CAMSAP2: variants seen among roughly 807,000 people sequenced by gnomAD.
CAMSAP2 encodes calmodulin regulated spectrin associated protein family member 2.
CAMSAP2 carries 26 observed loss-of-function variants against 146.1 expected under a neutral mutation model. The ratio of observed to expected loss-of-function variants is 0.18; its 90% CI spans 0.13 to 0.25. The LOEUF is 0.25. Ranked by LOEUF, CAMSAP2 falls within the 10% of genes least tolerant of loss-of-function variation. The pLI, the probability that CAMSAP2 is intolerant of heterozygous loss-of-function variation, is 1.00. For missense variants in CAMSAP2, 1,381 were observed against 1,759.3 expected, an observed-to-expected ratio of 0.78 and a Z score of 3.85; for synonymous variants, 499 against 596.6, an observed-to-expected ratio of 0.84 and a Z score of 2.38.
chr1:200,784,311 TA>T (rs920356300), intron 2 of CAMSAP2, among the ~76,000 whole-genome samples: 34 of 151,264 alleles, frequency 2.2e-4, no homozygotes, highest in African/African-American at 6.5e-4. Flanking sequence ...CAATTTCTAT[TA>T]AAAAAAAAGC....
In CAMSAP2 at chr1:200,857,798, G is replaced by T. The variant is rs1361870206; in HGVS notation, c.4176G>T (p.Arg1392=). ...CCAACAACTTCTTAATCTTGTTCCG[G>T]GATTCAGGATGCCAGTTCAGATCTT... ...SDANNFLILF[R]DSGCQFRSLY... is the part of the protein sequence containing the mutation. The change falls in exon 17 of 17, where the codon CGG becomes CGT. Residue 1392 remains arginine (R), a synonymous_variant. Coordinates refer to ENST00000358823, the MANE Select transcript of CAMSAP2 (RefSeq NM_203459.4). The surrounding 1 kb of genome is among the most constrained non-coding windows in gnomAD (Gnocchi z 4.7). 6.2e-7 allele frequency: 1 copy of T among 1,607,774 alleles called. No homozygotes were observed. The highest frequency in any genetic ancestry group is 1.3e-5 in the African/African-American group (1 of 74,652).
chr1:200,762,859 G>A (rs1664838742), intron 2 of CAMSAP2, among the ~76,000 whole-genome samples: 1 of 151,918 alleles, frequency 6.6e-6, no homozygotes, highest in African/African-American at 2.4e-5. Flanking sequence ...AGCTTTGAAT[G>A]TATTTTAATA....
chr1:200,815,695 C>CATTT (rs777575100), intron 4 of CAMSAP2, 51 bp downstream of exon 4: 1 of 874,366 alleles, frequency 1.1e-6, no homozygotes, highest in Non-Finnish European at 1.7e-6. Context: ...TATATATGTT[C>CATTT]ACATATTTGT....
intron 2 of CAMSAP2, among the ~76,000 whole-genome samples, chr1:200,762,091 A>G (rs192246961): frequency 1.8e-4 from 27 of 152,360 alleles, no homozygotes; most frequent in Middle Eastern, 6.8e-3. Context: ...TAAGGTGTAT[A>G]TGTAGAAAAG....
intron 2 of CAMSAP2, among the ~76,000 whole-genome samples, chr1:200,791,674 A>G (rs1273841178): frequency 6.6e-6 from 1 of 152,194 alleles, no homozygotes; most frequent in Non-Finnish European, 1.5e-5. Flanking sequence ...ATTCTGTTGC[A>G]GTTAGCACCT....
chr1:200,772,325 T>C (rs945924094), intron 2 of CAMSAP2, among the ~76,000 whole-genome samples: 1 of 152,278 alleles, frequency 6.6e-6, no homozygotes, highest in South Asian at 2.1e-4. Context: ...AATACTAATG[T>C]AGGCTGGGCA....
At position 200,816,873 on chromosome 1, in the gene CAMSAP2, C is replaced by CACACACACGCGTGTGTATGTGTGT. The variant is rs1666546352; in HGVS notation, c.645+1238_645+1261dup. Reference sequence around the variant, plus strand: ...ACACACACGCGTGTGTATGTGTGTACACACACACGCGTGTGTATGTGTGTA... The same window carrying CACACACACGCGTGTGTATGTGTGT: ...ACACACACGCGTGTGTATGTGTGTACACACACACGCGTGTGTATGTGTGTACACACACGCGTGTGTATGTGTGTA... On this transcript the variant is annotated intron_variant, in intron 4 of 16. Transcript: ENST00000358823. 5.2e-5 allele frequency among the ~76,000 whole-genome samples: 2 copies of CACACACACGCGTGTGTATGTGTGT among 38,472 alleles called. 1 individual carries two copies. Among genetic ancestry groups the CACACACACGCGTGTGTATGTGTGT allele is most frequent in the Non-Finnish European group, 9.3e-5 (2 of 21,432 alleles). 25.2% of individuals were successfully genotyped at this position (38,472 alleles called of 152,430 possible).
chr1:200,855,392 AATATC>A (rs1474151482), intron 14 of CAMSAP2, among the ~76,000 whole-genome samples: 1 of 150,234 alleles, frequency 6.7e-6, no homozygotes, highest in Non-Finnish European at 1.5e-5. Flanking sequence ...TTTATACTAT[AATATC>A]ATATCAGAAA....
rs1667768536 is a variant in CAMSAP2 at position 200,857,092 on chromosome 1, G to T, written c.4013-214G>T. ...TTATTTTTAGTACTGCTCTCACAGG[G>T]TACTCCAAAAGGCCATAGGAACATC... On this transcript the variant is annotated intron_variant, in intron 15 of 16. Transcript: ENST00000358823. This position sits in a 1 kb window ranked among gnomAD's most constrained non-coding sequence, Gnocchi z 4.7. Among the ~76,000 whole-genome samples the T allele has an allele frequency of 6.6e-6, 1 of 152,028 alleles. No homozygotes were observed. The highest frequency in any genetic ancestry group is 1.5e-5 in the Non-Finnish European group (1 of 68,008).
At chr1:200,783,904 C>T (rs1665511581) in intron 2 of CAMSAP2, among the ~76,000 whole-genome samples, 1 of 152,042 alleles carries the variant, frequency 6.6e-6, no homozygotes, top group Admixed American at 6.5e-5. Flanking sequence ...CTTTTCTTGC[C>T]TATATTATGG....
At chr1:200,756,905 T>C (rs578100667) in intron 1 of CAMSAP2, among the ~76,000 whole-genome samples, 7 of 152,300 alleles carry the variant, frequency 4.6e-5, no homozygotes, top group African/African-American at 1.7e-4. Context: ...TGCCCTTTGG[T>C]CATATATTAG....
chr1:200,792,325 A>G (rs927994335), intron 2 of CAMSAP2, among the ~76,000 whole-genome samples: 1 of 152,238 alleles, frequency 6.6e-6, no homozygotes, highest in Non-Finnish European at 1.5e-5. Flanking sequence ...CTATTGATAC[A>G]TATAACAGCT....
At chr1:200,833,415 G>A (rs918742751) in intron 6 of CAMSAP2, among the ~76,000 whole-genome samples, 1 of 152,056 alleles carries the variant, frequency 6.6e-6, no homozygotes, top group Non-Finnish European at 1.5e-5. Context: ...ACAAAAATTA[G>A]CTGGGAGTGG....
intron 2 of CAMSAP2, among the ~76,000 whole-genome samples, chr1:200,769,096 T>C (rs1478876820): frequency 6.6e-6 from 1 of 152,228 alleles, no homozygotes; most frequent in Non-Finnish European, 1.5e-5. Context: ...AGTTAACTAC[T>C]GGAAGGTGGG....
At chr1:200,779,507 A>C (rs1327216800) in intron 2 of CAMSAP2, among the ~76,000 whole-genome samples, 1 of 152,196 alleles carries the variant, frequency 6.6e-6, no homozygotes, top group Non-Finnish European at 1.5e-5. Context: ...TGGGCTTGAG[A>C]TAGAGATTTG....
intron 4 of CAMSAP2, among the ~76,000 whole-genome samples, chr1:200,823,917 T>A (rs1353838970): frequency 6.6e-6 from 1 of 152,210 alleles, no homozygotes; most frequent in Non-Finnish European, 1.5e-5. Context: ...TATGGACTCA[T>A]GTATACTTAA....
chr1:200,778,886 TA>T (rs781297543), intron 2 of CAMSAP2, among the ~76,000 whole-genome samples: 1 of 152,166 alleles, frequency 6.6e-6, no homozygotes, highest in Non-Finnish European at 1.5e-5. Flanking sequence ...CAAGAGCAGA[TA>T]AAATCCAAAG....
At chr1:200,753,053 G>A (rs1465914666) in intron 1 of CAMSAP2, among the ~76,000 whole-genome samples, 1 of 151,932 alleles carries the variant, frequency 6.6e-6, no homozygotes, top group Non-Finnish European at 1.5e-5. Flanking sequence ...CCAGCACTTT[G>A]GAAGATTGAG....
intron 7 of CAMSAP2, among the ~76,000 whole-genome samples, chr1:200,842,927 A>G (rs1187015964): frequency 6.7e-6 from 1 of 149,760 alleles, no homozygotes; most frequent in Non-Finnish European, 1.5e-5. Context: ...AGTGAGCGAG[A>G]TTGCATCACT....
Sources: gnomAD v4.1 joint callset for allele counts (sites outside exome capture counted in the v4.1 genomes callset) on GRCh38, gnomAD v4.1.1 for gene constraint, Gnocchi (gnomAD v3.1) non-coding constraint, MANE v1.5 for transcripts, NCBI Gene and HGNC (gene_info 2026-07-23, HGNC 2026-07-21) for gene names.